Variants in TXNDC8 observed in about 807,000 individuals in gnomAD.
The protein encoded by TXNDC8 is thioredoxin domain-containing protein 8.
Under a neutral mutation model 12.9 loss-of-function variants are expected in TXNDC8, and 15 were observed. The observed-to-expected ratio is 1.16, with a 90% confidence interval of 0.78 to 1.79. TXNDC8 has a LOEUF of 1.79. Among genes scored for constraint, TXNDC8 ranks in the 40% most tolerant of loss-of-function variants. The probability of loss-of-function intolerance (pLI) is 0.00; values close to 1 mark genes in which losing one functional copy is unlikely to be tolerated. For missense variants in TXNDC8, 128 were observed against 113.2 expected, an observed-to-expected ratio of 1.13 and a Z score of -0.59; for synonymous variants, 40 against 35.4, an observed-to-expected ratio of 1.13 and a Z score of -0.46.
chr9:110,329,102 G>C (rs1233923785), intron 2 of TXNDC8, 130 bp downstream of exon 3: 2 of 761,180 alleles, frequency 2.6e-6, no homozygotes, highest in East Asian at 5.4e-5. Context: ...GTTTACTGTA[G>C]TTATTAGAAA....
chr9:110,322,335 T>A, intron 3 of TXNDC8: 1 of 973,698 alleles, frequency 1.0e-6, no homozygotes, highest in African/African-American at 1.8e-5. Context: ...GGAAGTGTAA[T>A]CATCTTAATG....
At chr9:110,307,601 A>T (rs780684317) in intron 3 of TXNDC8, among the ~76,000 whole-genome samples, 2 of 152,210 alleles carry the variant, frequency 1.3e-5, no homozygotes, top group Non-Finnish European at 1.5e-5. Flanking sequence ...CAAATCACTA[A>T]GCTAAAGGGA....
chr9:110,305,244 T>C (rs1021669181), intron 3 of TXNDC8, among the ~76,000 whole-genome samples: 5 of 151,942 alleles, frequency 3.3e-5, no homozygotes, highest in Admixed American at 6.6e-5. Flanking sequence ...TTCTACGATA[T>C]GTATTCTTCT....
chr9:110,337,510 T>G lies in TXNDC8; in HGVS notation c.24+263A>C, dbSNP rs138288536. ...ATACAGGATGGGATGTACTAGGAGC[T>G]GGTCTGGGATTCACCTGAAGTCAGG... On this transcript the variant is annotated intron_variant, in intron 1 of 4. Transcript: ENST00000423740. Among the ~76,000 whole-genome samples, 680 of 152,302 alleles carry G rather than the reference T, an allele frequency of 4.5e-3. 3 individuals are homozygous for G. Among genetic ancestry groups the G allele is most frequent in the Middle Eastern group, 0.017 (5 of 292 alleles).
At chr9:110,315,919 A>G (rs1838871760) in intron 3 of TXNDC8, among the ~76,000 whole-genome samples, 1 of 151,102 alleles carries the variant, frequency 6.6e-6, no homozygotes, top group African/African-American at 2.4e-5. Flanking sequence ...TTTTTTTGAG[A>G]CAGGGTCTTG....
At chr9:110,303,733 CA>C in intron 4 of TXNDC8, 150 bp from the exon 6 acceptor site, 1 of 1,534,114 alleles carries the variant, frequency 6.5e-7, no homozygotes, top group Non-Finnish European at 8.8e-7. Flanking sequence ...ATACATTAAA[CA>C]CATTAAATTC....
At chr9:110,315,800 A>G (rs1465483282) in intron 3 of TXNDC8, among the ~76,000 whole-genome samples, 2 of 121,560 alleles carry the variant, frequency 1.6e-5, no homozygotes, top group African/African-American at 3.2e-5. Flanking sequence ...GGTGTGAGCC[A>G]CTGTGCCCAG....
chr9:110,332,918 G>A (rs973792228), intron 2 of TXNDC8, among the ~76,000 whole-genome samples: 4 of 152,136 alleles, frequency 2.6e-5, no homozygotes, highest in Non-Finnish European at 5.9e-5. Flanking sequence ...CGTATTATTC[G>A]CCTCATTGCA....
chr9:110,326,940 G>GCGCACACACA (rs1554704834), intron 2 of TXNDC8, among the ~76,000 whole-genome samples: 6 of 143,030 alleles, frequency 4.2e-5, no homozygotes, highest in East Asian at 2.1e-4. Flanking sequence ...TGCTACTCAT[G>GCGCACACACA]CACACACACA....
intron 3 of TXNDC8, among the ~76,000 whole-genome samples, chr9:110,317,844 C>T (rs1298846778): frequency 6.6e-6 from 1 of 152,192 alleles, no homozygotes; most frequent in Non-Finnish European, 1.5e-5. Flanking sequence ...TGTGTGTCTC[C>T]AAGAGAACTA....
intron 3 of TXNDC8, among the ~76,000 whole-genome samples, chr9:110,321,893 G>A (rs1361701067): frequency 6.6e-6 from 1 of 152,164 alleles, no homozygotes; most frequent in East Asian, 1.9e-4. Context: ...ATGTAGAAGT[G>A]GGGACCTCAC....
intron 3 of TXNDC8, among the ~76,000 whole-genome samples, chr9:110,308,427 A>T (rs1838539126): frequency 6.6e-6 from 1 of 150,710 alleles, no homozygotes; most frequent in Admixed American, 6.6e-5. Flanking sequence ...AGCTGTTTTT[A>T]ATTTCTCCTT....
chr9:110,322,735 T>C (rs1005483557), intron 3 of TXNDC8: 316 of 985,310 alleles, frequency 3.2e-4, no homozygotes, highest in Non-Finnish European at 3.7e-4. Flanking sequence ...AAACTTGCCC[T>C]GAATCAGGTT....
chr9:110,312,081 A>AT (rs1255976470), intron 3 of TXNDC8, among the ~76,000 whole-genome samples: 1 of 151,886 alleles, frequency 6.6e-6, no homozygotes, highest in Non-Finnish European at 1.5e-5. Context: ...CCGAAGTAAT[A>AT]TTTTTGACTT....
intron 1 of TXNDC8, among the ~76,000 whole-genome samples, chr9:110,334,532 C>G (rs1464581886): frequency 6.6e-6 from 1 of 152,132 alleles, no homozygotes; most frequent in African/African-American, 2.4e-5. Context: ...GTGTGAGCCA[C>G]CTTATCTGGC....
At chr9:110,322,938 T>TA (rs1183284310) in intron 3 of TXNDC8, 1 of 985,274 alleles carries the variant, frequency 1.0e-6, no homozygotes, top group Non-Finnish European at 1.2e-6. Flanking sequence ...CTTGGACTAG[T>TA]ATGAGAAAAA....
intron 3 of TXNDC8, among the ~76,000 whole-genome samples, chr9:110,305,485 T>C (rs1178382065): frequency 6.6e-6 from 1 of 152,252 alleles, no homozygotes; most frequent in Non-Finnish European, 1.5e-5. Flanking sequence ...AGTGGGATTG[T>C]GGGTTCTGCT....
chr9:110,321,883 A>G (rs894601464), intron 3 of TXNDC8, among the ~76,000 whole-genome samples: 1 of 152,178 alleles, frequency 6.6e-6, no homozygotes, highest in Non-Finnish European at 1.5e-5. Context: ...TCTGGAGGCA[A>G]TGTAGAAGTG....
intron 2 of TXNDC8, among the ~76,000 whole-genome samples, chr9:110,330,511 G>A (rs1839507590): frequency 6.6e-6 from 1 of 152,128 alleles, no homozygotes; most frequent in Non-Finnish European, 1.5e-5. Context: ...CTATATGTAA[G>A]CCTCACAGAC....
Sources: gnomAD v4.1 joint callset for allele counts (sites outside exome capture counted in the v4.1 genomes callset) on GRCh38, gnomAD v4.1.1 for gene constraint, MANE v1.5 for transcripts, NCBI Gene and HGNC (gene_info 2026-07-23, HGNC 2026-07-21) for gene names.